EYS: variants seen among roughly 807,000 people sequenced by gnomAD.
EYS encodes the protein EGF-like photoreceptor maintenance factor.
Under a neutral mutation model 282.1 loss-of-function variants are expected in EYS, and 250 were observed. The ratio of observed to expected loss-of-function variants is 0.89; its 90% CI spans 0.80 to 0.98. The LOEUF (loss-of-function observed/expected upper bound fraction) is 0.98, where lower values mean the gene tolerates loss of function less well. EYS is among the 50% of genes least tolerant of loss of function. EYS has a pLI of 0.00. For synonymous variants in EYS, 1,355 were observed against 1,282.9 expected, an observed-to-expected ratio of 1.06 and a Z score of -1.20; for missense variants, 4,016 against 3,709.0, an observed-to-expected ratio of 1.08 and a Z score of -2.15.
intron 19 of EYS, among the ~76,000 whole-genome samples, chr6:64,827,145 T>G (rs1160856454): frequency 6.6e-6 from 1 of 151,880 alleles, no homozygotes; most frequent in Non-Finnish European, 1.5e-5. Flanking sequence ...TAAGGACCGC[T>G]GCTTTTTATC....
intron 23 of EYS, among the ~76,000 whole-genome samples, chr6:64,619,000 A>G (rs1332428263): frequency 1.3e-5 from 2 of 152,210 alleles, no homozygotes; most frequent in East Asian, 3.9e-4. Context: ...ACTTAGTAAC[A>G]TTGCTTAGAG....
intron 28 of EYS, among the ~76,000 whole-genome samples, chr6:64,429,931 T>A (rs1334943969): frequency 6.6e-6 from 1 of 152,248 alleles, no homozygotes; most frequent in Non-Finnish European, 1.5e-5. Context: ...TTCTTGACAC[T>A]GCTGACAGGG....
chr6:65,611,015 A>G (rs1765980463), intron 2 of EYS, among the ~76,000 whole-genome samples: 1 of 152,068 alleles, frequency 6.6e-6, no homozygotes, highest in Non-Finnish European at 1.5e-5. Flanking sequence ...ACTCATATAA[A>G]TTTAACTAAA....
rs143515455 is a variant in EYS, at chr6:65,288,415, T to C, written c.2023+7448A>G. Among the ~76,000 whole-genome samples the C allele has an allele frequency of 2.0e-5, 3 of 150,632 alleles. No homozygotes were observed. The East Asian group carries it at 5.8e-4, about 29-fold the overall frequency. The stretch of plus-strand genomic sequence containing the variant: ...GGACAAAGAGGAGTCAAAGTTATTA[T>C]AGGACTAAGAATACGAGATAGATAC... On this transcript the variant is annotated intron_variant, in intron 12 of 42. Transcript: ENST00000503581.
chr6:65,499,512 C>T (rs1196638542), intron 2 of EYS, among the ~76,000 whole-genome samples: 1 of 151,922 alleles, frequency 6.6e-6, no homozygotes, highest in East Asian at 1.9e-4. Flanking sequence ...ATGACCTCCA[C>T]AATAAGCAGC....
At chr6:64,019,416 C>CTT (rs112215249) in intron 33 of EYS, among the ~76,000 whole-genome samples, 43,434 of 149,774 alleles carry the variant, frequency 0.29, 6,573 homozygotes, top group South Asian at 0.39. Flanking sequence ...TCTTTCTTTC[C>CTT]TTTTTATTTT....
intron 12 of EYS, among the ~76,000 whole-genome samples, chr6:65,107,176 T>A (rs984897926): frequency 5.9e-5 from 9 of 151,872 alleles, no homozygotes; most frequent in African/African-American, 2.2e-4. Flanking sequence ...TTTAAGGGAG[T>A]CTTTTTGGAG....
intron 36 of EYS, among the ~76,000 whole-genome samples, chr6:63,823,593 T>A (rs79742658): frequency 6.6e-6 from 1 of 152,188 alleles, no homozygotes; most frequent in East Asian, 1.9e-4. Context: ...TTTCTAATCA[T>A]ATTTTTCATC....
At chr6:63,753,949 T>A (rs994128188) in intron 41 of EYS, among the ~76,000 whole-genome samples, 2 of 148,638 alleles carry the variant, frequency 1.3e-5, no homozygotes, top group Non-Finnish European at 3.0e-5. Flanking sequence ...GTCTTACCCA[T>A]CCTTTGAAAC....
chr6:65,705,552 G>A (rs1769845352), intron 1 of EYS, among the ~76,000 whole-genome samples: 1 of 152,090 alleles, frequency 6.6e-6, no homozygotes, highest in African/African-American at 2.4e-5. Flanking sequence ...TTAGGTTTTA[G>A]TAATTCCATG....
At chr6:64,169,821 T>TG (rs1253967641) in intron 31 of EYS, among the ~76,000 whole-genome samples, 1 of 151,940 alleles carries the variant, frequency 6.6e-6, no homozygotes. Flanking sequence ...AAAGTGGAGA[T>TG]GGGGGTGCAA....
intron 31 of EYS, among the ~76,000 whole-genome samples, chr6:64,188,492 G>A (rs748850862): frequency 1.3e-5 from 2 of 151,952 alleles, no homozygotes; most frequent in African/African-American, 4.8e-5. Flanking sequence ...ATATTGCATG[G>A]GATATATTAT....
intron 35 of EYS, among the ~76,000 whole-genome samples, chr6:63,961,348 G>T (rs1766050170): frequency 6.6e-6 from 1 of 151,640 alleles, no homozygotes; most frequent in Non-Finnish European, 1.5e-5. Context: ...ATTTGTTTCT[G>T]CCCCCCTTTA....
At chr6:64,291,773 ATAAAG>A (rs1251479187) in intron 30 of EYS, among the ~76,000 whole-genome samples, 11 of 152,114 alleles carry the variant, frequency 7.2e-5, no homozygotes, top group African/African-American at 1.9e-4. Flanking sequence ...TGGAATAAAA[ATAAAG>A]TAGATACTTT....
At chr6:64,879,877 T>C (rs1766861320) in intron 19 of EYS, among the ~76,000 whole-genome samples, 1 of 151,928 alleles carries the variant, frequency 6.6e-6, no homozygotes, top group Non-Finnish European at 1.5e-5. Context: ...GTTCAAGAAA[T>C]GGTAGTATAA....
In EYS at chr6:65,282,094, G is replaced by C. The variant is rs1188946941; in HGVS notation, c.2023+13769C>G. Among the ~76,000 whole-genome samples the C allele has an allele frequency of 9.9e-5, 15 of 151,078 alleles. No individual in the cohort carries two copies. The Admixed American group carries it at 9.9e-4, about 10-fold the overall frequency. ...ATGGAGGATTTGAGTGGGGGTGGGG[G>C]GTGATGATTAATGAATACAAAATTT... On this transcript the variant is annotated intron_variant, in intron 12 of 42. Coordinates refer to ENST00000503581, the MANE Select transcript of EYS (RefSeq NM_001142800.2).
chr6:64,643,793 C>T (rs1346999905), intron 22 of EYS, among the ~76,000 whole-genome samples: 1 of 152,206 alleles, frequency 6.6e-6, no homozygotes, highest in East Asian at 1.9e-4. Context: ...TGCTGCCATC[C>T]ACGTAAGACG....
intron 2 of EYS, among the ~76,000 whole-genome samples, chr6:65,552,597 G>A (rs1582446966): frequency 6.6e-6 from 1 of 152,078 alleles, no homozygotes; most frequent in African/African-American, 2.4e-5. Context: ...ACACATAGCT[G>A]AAGCTGAAAT....
At position 65,094,757 on chromosome 6, in the gene EYS, G is replaced by C. The variant is rs1490292163; in HGVS notation, c.2024-37030C>G. Among the ~76,000 whole-genome samples, 4 of 150,878 alleles carry C rather than the reference G, an allele frequency of 2.7e-5. No individual in the cohort carries two copies. The East Asian group carries it at 7.7e-4, about 29-fold the overall frequency. On this transcript the variant is annotated intron_variant, in intron 12 of 42. Coordinates refer to ENST00000503581, the MANE Select transcript of EYS (RefSeq NM_001142800.2). ...TTGAGGGAAGTTTATAGTTATAAAAGCCTACACTATAAAAGAAGAAAGATC... is the reference window on the plus strand; with the variant it reads ...TTGAGGGAAGTTTATAGTTATAAAACCCTACACTATAAAAGAAGAAAGATC...
Sources: allele counts gnomAD v4.1 joint callset (sites outside exome capture counted in the v4.1 genomes callset), GRCh38; gene constraint gnomAD v4.1.1; transcripts MANE v1.5; gene names NCBI Gene and HGNC (gene_info 2026-07-23, HGNC 2026-07-21).